Variants in MAPRE2 observed in about 807,000 individuals in gnomAD.
The protein encoded by MAPRE2 is microtubule-associated protein RP/EB family member 2.
A neutral mutation model predicts 43.2 loss-of-function variants in MAPRE2; 13 were observed. The ratio of observed to expected loss-of-function variants is 0.30; its 90% confidence interval spans 0.20 to 0.48. The LOEUF is 0.48. Ranked by LOEUF, MAPRE2 falls within the 20% of genes least tolerant of loss-of-function variation. The pLI is 0.99. For synonymous variants in MAPRE2, 135 were observed against 148.8 expected (o/e 0.91, Z 0.68); for missense variants, 161 against 400.2 (o/e 0.40, Z 5.10).
chr18:35,075,536 C>T (rs1219183930), intron 2 of MAPRE2, among the ~76,000 whole-genome samples: 1 of 152,188 alleles, frequency 6.6e-6, no homozygotes, highest in African/African-American at 2.4e-5. Flanking sequence ...TTTATAAAAT[C>T]ATTGACTGTT....
intron 1 of MAPRE2, among the ~76,000 whole-genome samples, chr18:35,057,601 G>T (rs941734023): frequency 3.3e-5 from 5 of 151,712 alleles, no homozygotes; most frequent in Admixed American, 3.3e-4. Context: ...CTTCATTCCA[G>T]TAAATAAATA....
At chr18:34,991,962 G>A (rs2097024060) in intron 1 of MAPRE2, among the ~76,000 whole-genome samples, 1 of 152,066 alleles carries the variant, frequency 6.6e-6, no homozygotes, top group Admixed American at 6.6e-5. Context: ...GGTGTTTTAA[G>A]GGTTGCTATT....
chr18:35,118,501 A>G (rs1171385521), intron 4 of MAPRE2, among the ~76,000 whole-genome samples: 7 of 152,150 alleles, frequency 4.6e-5, no homozygotes, highest in Non-Finnish European at 8.8e-5. Context: ...GGGTTTCCTA[A>G]ACTATAGCAT....
At chr18:35,057,715 G>A (rs1906311950) in intron 1 of MAPRE2, among the ~76,000 whole-genome samples, 1 of 152,160 alleles carries the variant, frequency 6.6e-6, no homozygotes, top group South Asian at 2.1e-4. Flanking sequence ...ATAGGGAAGG[G>A]AAAAGAAGGA....
At chr18:35,112,254 G>A (rs145210003) in intron 4 of MAPRE2, among the ~76,000 whole-genome samples, 11 of 149,130 alleles carry the variant, frequency 7.4e-5, no homozygotes, top group East Asian at 3.9e-4. Context: ...TGCAACCTCC[G>A]CCTCCTGGGT....
chr18:35,107,570 T>C (rs924007833), intron 4 of MAPRE2, among the ~76,000 whole-genome samples: 4 of 152,160 alleles, frequency 2.6e-5, no homozygotes, highest in African/African-American at 4.8e-5. Flanking sequence ...CAGTAAAAAA[T>C]AGCAGTAAGG....
chr18:35,009,214 C>T (rs2150582269), intron 2 of MAPRE2, among the ~76,000 whole-genome samples: 1 of 152,092 alleles, frequency 6.6e-6, no homozygotes, highest in East Asian at 1.9e-4. Context: ...GTAGAGATGA[C>T]ATCTGAGCTG....
Position 35,140,472 on chromosome 18 carries a change from A to G in MAPRE2, c.*103A>G. The G allele has an allele frequency of 8.9e-7, 1 of 1,124,570 alleles. No homozygotes were observed. Among genetic ancestry groups the G allele is most frequent in the South Asian group, 1.4e-5 (1 of 68,998 alleles). The allele number at this position is 1,124,570 out of a possible 1,614,324, so 69.7% of individuals were successfully genotyped here. ...AGCTCAACAGAAACCAGTTGTTCCCAATCTGCCGTTACCATCAACGCACTG... is the reference window on the plus strand; with the variant it reads ...AGCTCAACAGAAACCAGTTGTTCCCGATCTGCCGTTACCATCAACGCACTG... On this transcript the variant is annotated 3_prime_UTR_variant, in exon 7 of 7. Transcript: ENST00000300249.
chr18:35,132,001 G>GT (rs3837890), intron 5 of MAPRE2, 31 bp from the exon 6 acceptor site: 239,592 of 1,606,246 alleles, frequency 0.15, 19,053 homozygotes, highest in East Asian at 0.29. Context: ...ATTTTGGGTG[G>GT]TTTTTTTTCT....
intron 2 of MAPRE2, among the ~76,000 whole-genome samples, chr18:35,012,911 C>T (rs1467238135): frequency 6.6e-6 from 1 of 152,040 alleles, no homozygotes. Context: ...TTGTTATATG[C>T]ATTTTACTAC....
chr18:35,066,151 G>A (rs1906829272), intron 1 of MAPRE2, among the ~76,000 whole-genome samples: 1 of 152,186 alleles, frequency 6.6e-6, no homozygotes, highest in Non-Finnish European at 1.5e-5. Flanking sequence ...TCTTTGGGAA[G>A]TACTCCATGA....
chr18:35,126,139 C>T (rs1185253991), intron 4 of MAPRE2, among the ~76,000 whole-genome samples: 1 of 152,200 alleles, frequency 6.6e-6, no homozygotes, highest in Non-Finnish European at 1.5e-5. Flanking sequence ...TCTTCCCTCT[C>T]CCTCTCCCTG....
chr18:35,030,950 T>C (rs1880738646), intron 2 of MAPRE2, among the ~76,000 whole-genome samples: 1 of 152,228 alleles, frequency 6.6e-6, no homozygotes, highest in African/African-American at 2.4e-5. Flanking sequence ...AATATTCTTC[T>C]GATATCACAG....
In MAPRE2 at chr18:35,141,631, T is replaced by A. The variant is rs1910644283; in HGVS notation, c.*1262T>A. The A allele has an allele frequency of 6.6e-6, 1 of 152,206 alleles. No homozygotes were observed. Among genetic ancestry groups the A allele is most frequent in the Non-Finnish European group, 1.5e-5 (1 of 68,040 alleles). 9.4% of individuals were successfully genotyped at this position (152,206 alleles called of 1,614,324 possible). On this transcript the variant is annotated 3_prime_UTR_variant, in exon 7 of 7. Transcript: ENST00000300249. ...TTTTAACTAATATTTGTACATTTTC[T>A]TAGTCTCTTTCCAAGTCTTTGCCTC...
At chr18:35,097,679 G>A in intron 3 of MAPRE2, 88 bp downstream of exon 3, 1 of 1,192,460 alleles carries the variant, frequency 8.4e-7, no homozygotes, top group Admixed American at 2.2e-5. Flanking sequence ...GCATACCAAT[G>A]GGATATATCT....
At chr18:35,041,763 G>A in intron 1 of MAPRE2, 102 bp downstream of exon 1, 1 of 1,579,292 alleles carries the variant, frequency 6.3e-7, no homozygotes, top group Non-Finnish European at 8.6e-7. Flanking sequence ...GACCCCTGCT[G>A]CAGGCATGCA....
intron 4 of MAPRE2, among the ~76,000 whole-genome samples, chr18:35,123,155 G>T (rs113316156): frequency 1.3e-4 from 20 of 152,176 alleles, no homozygotes; most frequent in African/African-American, 4.3e-4. Flanking sequence ...CTTTGCCCAG[G>T]GGTTTGGCTT....
chr18:35,017,062 T>C (rs777256805), intron 2 of MAPRE2, among the ~76,000 whole-genome samples: 20 of 152,144 alleles, frequency 1.3e-4, no homozygotes, highest in Non-Finnish European at 2.6e-4. Flanking sequence ...TAGGAAGACC[T>C]TTCCCCATTG....
At position 35,063,999 on chromosome 18, in the gene MAPRE2, TTAAAAAAAAAAAAA is replaced by T. The variant is rs1337016374; in HGVS notation, c.123-6195_123-6182del. ...GACTGCCGAGTGAGACCCTGTCTCT[TTAAAAAAAAAAAAA>T]AAAAAAAAAAAAAAAAAAAATCTGG... On this transcript the variant is annotated intron_variant, in intron 1 of 6. Coordinates refer to ENST00000300249, the MANE Select transcript of MAPRE2 (RefSeq NM_014268.4). 2.2e-3 allele frequency among the ~76,000 whole-genome samples: 135 copies of T among 60,736 alleles called. 2 individuals are homozygous for T. Among genetic ancestry groups the T allele is most frequent in the Admixed American group, 5.8e-3 (29 of 4,964 alleles). The allele number at this position is 60,736 out of a possible 152,430, so 39.8% of individuals were successfully genotyped here.
Sources: allele counts gnomAD v4.1 joint callset (sites outside exome capture counted in the v4.1 genomes callset), GRCh38; gene constraint gnomAD v4.1.1; transcripts MANE v1.5; gene names NCBI Gene and HGNC (gene_info 2026-07-23, HGNC 2026-07-21).